SLC12A2: variants seen among roughly 807,000 people sequenced by gnomAD.
SLC12A2 encodes solute carrier family 12 member 2, also known as Na-K-2Cl cotransporter 1.
Under a neutral mutation model 136.3 loss-of-function variants are expected in SLC12A2, and 67 were observed. The ratio of observed to expected loss-of-function variants is 0.49; its 90% CI spans 0.40 to 0.60. The LOEUF (loss-of-function observed/expected upper bound fraction) is 0.60. Ranked by LOEUF, SLC12A2 falls within the 20% of genes least tolerant of loss-of-function variation. SLC12A2 has a pLI of 0.00. For missense variants in SLC12A2, 1,322 were observed against 1,534.7 expected (o/e 0.86, Z 2.32); for synonymous variants, 619 against 562.9 (o/e 1.10, Z -1.41).
In SLC12A2 at chr5:128,174,580, A is replaced by C. The variant is rs1049277208; in HGVS notation, c.2843A>C (p.Lys948Thr). 2.5e-6 allele frequency: 4 copies of C among 1,609,150 alleles called. No individual in the cohort carries two copies. In the African/African-American group the frequency reaches 4.0e-5, roughly 16 times the overall value. ...TCACAAGAGAAATCTCCTGGCACCA[A>C]GGATGTGGTAGTAAGTGTGGAATAT... is the stretch of plus-strand genomic sequence containing the variant. ...LSSQEKSPGTKDVVVSVEYSK... is the reference protein window; with the variant it reads ...LSSQEKSPGTTDVVVSVEYSK... The change falls in exon 20 of 27, where the codon AAG (lysine) becomes ACG (threonine). Residue 948 changes from lysine (K) to threonine (T), a missense_variant. By Grantham distance (78) the Lys-to-Thr change is moderately conservative. This residue lies in a region of SLC12A2 where 226 missense variants were observed against 210.4 expected (regional missense o/e 1.07). Transcript: ENST00000262461.
At position 128,083,782 on chromosome 5, in the gene SLC12A2, T is replaced by A. The variant is rs1759883913; in HGVS notation, c.-173T>A. On this transcript the variant is annotated 5_prime_UTR_variant, in exon 1 of 27. Transcript: ENST00000262461. ...GCGCCCGCCACACTCGCGCGCTCGC[T>A]CGGCTGCCGGTGGCCTCTGTGGCCG... 2.4e-6 allele frequency: 1 copy of A among 422,220 alleles called. No homozygotes were observed. Among genetic ancestry groups the A allele is most frequent in the African/African-American group, 2.1e-5 (1 of 48,178 alleles). 26.2% of individuals were successfully genotyped at this position (422,220 alleles called of 1,614,324 possible). A position where few individuals can be genotyped will look rare whatever the true frequency, so the allele number is the denominator to read the frequency against.
At position 128,158,069 on chromosome 5, in the gene SLC12A2, A is replaced by G. The variant is rs116191759; in HGVS notation, c.2380A>G (p.Met794Val). The G allele has an allele frequency of 1.8e-4, 287 of 1,613,020 alleles. 1 individual carries two copies. The African/African-American group carries it at 3.6e-3, about 20-fold the overall frequency. Residue 794 changes from methionine to valine, a missense_variant, in exon 16 of 27, where the codon ATG becomes GTG. Around this residue, in one of 8 missense-constraint regions of SLC12A2, gnomAD observed 294 missense variants for 436.6 expected, o/e 0.67. Coordinates refer to ENST00000262461, the MANE Select transcript of SLC12A2 (RefSeq NM_001046.3). Reference protein sequence around the residue: ...VKNFRPQCLVMTGAPNSRPAL... With the variant: ...VKNFRPQCLVVTGAPNSRPAL... ...TTAAATTAGGCCACAGTGTCTTGTT[A>G]TGACAGGTGCTCCAAACTCACGTCC... is the stretch of plus-strand genomic sequence containing the variant.
intron 6 of SLC12A2, 66 bp downstream of exon 6, chr5:128,134,341 A>T: frequency 1.2e-6 from 1 of 866,584 alleles, no homozygotes; most frequent in South Asian, 1.4e-5. Flanking sequence ...TGTTTTGGGA[A>T]CACTCTGAAG....
Position 128,184,515 on chromosome 5 carries a change from CTTCCTT to C in SLC12A2, c.3435+18_3435+23del, listed in dbSNP as rs766077525. 1 of 1,566,004 alleles carries C rather than the reference CTTCCTT, an allele frequency of 6.4e-7. No individual in the cohort carries two copies. The highest frequency in any genetic ancestry group is 8.6e-7 in the Non-Finnish European group (1 of 1,162,564). On this transcript the variant is annotated intron_variant, in intron 25 of 26. Transcript: ENST00000262461. ...TATAAGACCAAGGTATTCTCTTCTG[CTTCCTT>C]TTCATTAATCTTTTATATAATAAAA...
At chr5:128,098,143 G>A (rs1289362443) in intron 1 of SLC12A2, among the ~76,000 whole-genome samples, 1 of 151,968 alleles carries the variant, frequency 6.6e-6, no homozygotes, top group Non-Finnish European at 1.5e-5. Flanking sequence ...TTCTCTATTT[G>A]TGTATCCTTT....
At chr5:128,111,658 G>A (rs927097568) in intron 1 of SLC12A2, among the ~76,000 whole-genome samples, 3 of 151,820 alleles carry the variant, frequency 2.0e-5, no homozygotes, top group Admixed American at 6.6e-5. Context: ...CCAGCTACTC[G>A]GGAGGCTGAG....
intron 9 of SLC12A2, among the ~76,000 whole-genome samples, chr5:128,141,301 C>T (rs901128281): frequency 1.3e-5 from 2 of 152,072 alleles, no homozygotes; most frequent in Admixed American, 1.3e-4. Context: ...ATCTTAGATA[C>T]CATGTGTTTT....
chr5:128,125,935 T>A (rs932762561), intron 4 of SLC12A2, among the ~76,000 whole-genome samples: 20 of 152,164 alleles, frequency 1.3e-4, no homozygotes, highest in African/African-American at 4.3e-4. Context: ...GCTATCTGTT[T>A]CTTATTGAGT....
chr5:128,179,392 A>ACTCATTG (rs1400422062), intron 22 of SLC12A2, among the ~76,000 whole-genome samples: 2 of 152,052 alleles, frequency 1.3e-5, no homozygotes, highest in African/African-American at 4.8e-5. Flanking sequence ...GTCAGTGTGG[A>ACTCATTG]CTCATTGATT....
At chr5:128,185,925 G>A (rs1470179139) in intron 26 of SLC12A2, among the ~76,000 whole-genome samples, 1 of 152,036 alleles carries the variant, frequency 6.6e-6, no homozygotes, top group Non-Finnish European at 1.5e-5. Context: ...AATACCATAT[G>A]TTAAGCTGGG....
chr5:128,114,196 C>G lies in SLC12A2; in HGVS notation c.877-16C>G, dbSNP rs530956302. 66 of 1,598,496 alleles carry G rather than the reference C, an allele frequency of 4.1e-5. 1 individual carries two copies. In the South Asian group the frequency reaches 6.5e-4, roughly 16 times the overall value. ...TTCTTCTTCCTCTGTGTCTTGGCCT[C>G]TTTTTCCCTCTTTAGGTACGTTGTA... is the stretch of plus-strand genomic sequence containing the variant. On this transcript the variant is annotated splice_polypyrimidine_tract_variant and intron_variant, in intron 2 of 26. Coordinates refer to ENST00000262461, the MANE Select transcript of SLC12A2 (RefSeq NM_001046.3).
chr5:128,129,419 A>G (rs1452090406), intron 4 of SLC12A2, among the ~76,000 whole-genome samples: 1 of 151,760 alleles, frequency 6.6e-6, no homozygotes, highest in Non-Finnish European at 1.5e-5. Flanking sequence ...TTTCGTGGAA[A>G]ATTTTAAGTC....
intron 9 of SLC12A2, among the ~76,000 whole-genome samples, chr5:128,141,087 G>C (rs1561683034): frequency 6.6e-6 from 1 of 152,070 alleles, no homozygotes; most frequent in African/African-American, 2.4e-5. Flanking sequence ...ACGTTACTCT[G>C]AATAATAAAT....
In SLC12A2 at chr5:128,138,658, A is replaced by G. The variant is rs1485745859; in HGVS notation, c.1470A>G (p.Val490=). ...DFREEETFFS[V]FAIFFPAATG... ...GAGAGGAAGAGACTTTCTTTTCTGT[A>G]TTTGCCATCTTTTTTCCTGCTGCAA... The change falls in exon 8 of 27, where the codon GTA becomes GTG. Residue 490 remains valine, a synonymous_variant. Transcript: ENST00000262461. 1.2e-6 allele frequency: 2 copies of G among 1,613,672 alleles called. No homozygotes were observed. Among genetic ancestry groups the G allele is most frequent in the Non-Finnish European group, 1.7e-6 (2 of 1,179,798 alleles).
intron 1 of SLC12A2, among the ~76,000 whole-genome samples, chr5:128,111,621 C>T (rs1761146273): frequency 6.6e-6 from 1 of 151,726 alleles, no homozygotes; most frequent in Non-Finnish European, 1.5e-5. Context: ...AAAAATTAGC[C>T]GGGCTTGGTG....
chr5:128,130,042 T>A (rs1259557745), intron 4 of SLC12A2, among the ~76,000 whole-genome samples: 1 of 152,152 alleles, frequency 6.6e-6, no homozygotes, highest in Non-Finnish European at 1.5e-5. Context: ...TTTGTTTTTT[T>A]TTTTTGGTCT....
chr5:128,161,025 A>G (rs1242323298), intron 16 of SLC12A2, among the ~76,000 whole-genome samples: 3 of 152,106 alleles, frequency 2.0e-5, no homozygotes, highest in Non-Finnish European at 4.4e-5. Context: ...ACAAAAGGTA[A>G]ATTATATTTT....
chr5:128,164,612 A>G (rs534699797), intron 17 of SLC12A2, among the ~76,000 whole-genome samples: 136 of 152,194 alleles, frequency 8.9e-4, no homozygotes, highest in African/African-American at 3.1e-3. Context: ...CAAAGTGTCA[A>G]ATGTCTTTTA....
chr5:128,174,707 T>C, intron 20 of SLC12A2, 41 bp downstream of exon 20: 1 of 1,430,062 alleles, frequency 7.0e-7, no homozygotes, highest in Non-Finnish European at 9.5e-7. Context: ...AATAGTAATG[T>C]TTTAATTTGG....
Sources: gnomAD v4.1 joint callset for allele counts (sites outside exome capture counted in the v4.1 genomes callset) on GRCh38, gnomAD v4.1.1 for gene constraint, gnomAD v4.1.1 regional missense constraint, MANE v1.5 for transcripts, NCBI Gene and HGNC (gene_info 2026-07-23, HGNC 2026-07-21) for gene names.